Variants in UMODL1 observed in about 807,000 individuals in gnomAD.
The protein encoded by UMODL1 is uromodulin like 1.
A neutral mutation model predicts 136.3 loss-of-function variants in UMODL1; 128 were observed. The ratio of observed to expected loss-of-function variants is 0.94; its 90% CI spans 0.81 to 1.09. The LOEUF (loss-of-function observed/expected upper bound fraction) is 1.09, where lower values mean the gene tolerates loss of function less well. Among genes scored for constraint, UMODL1 ranks in the 50% least tolerant of loss-of-function variants. The probability of loss-of-function intolerance (pLI) is 0.00; values close to 1 mark genes in which losing one functional copy is unlikely to be tolerated. For missense variants in UMODL1, 1,766 were observed against 1,725.6 expected, an observed-to-expected ratio of 1.02 and a Z score of -0.41; for synonymous variants, 721 against 720.0, an observed-to-expected ratio of 1.00 and a Z score of -0.02.
intron 21 of UMODL1, among the ~76,000 whole-genome samples, chr21:42,136,907 G>T (rs531765050): frequency 6.6e-6 from 1 of 152,070 alleles, no homozygotes; most frequent in South Asian, 2.1e-4. Context: ...ACAGACATGC[G>T]CCACCATGCC....
At chr21:42,100,375 G>A (rs2066611800) in intron 7 of UMODL1, among the ~76,000 whole-genome samples, 1 of 152,040 alleles carries the variant, frequency 6.6e-6, no homozygotes, top group African/African-American at 2.4e-5. Flanking sequence ...CGGAATGAGC[G>A]ACCTTCTGTG....
chr21:42,075,360 G>A (rs2066278649), intron 1 of UMODL1, among the ~76,000 whole-genome samples: 1 of 152,170 alleles, frequency 6.6e-6, no homozygotes, highest in Non-Finnish European at 1.5e-5. Flanking sequence ...CGCCCGGCCT[G>A]AGCTGGTCTT....
At chr21:42,072,043 CCAAACAAA>C (rs56367687) in intron 1 of UMODL1, among the ~76,000 whole-genome samples, 1 of 148,902 alleles carries the variant, frequency 6.7e-6, no homozygotes, top group African/African-American at 2.5e-5. Flanking sequence ...GCAAAAGCCC[CCAAACAAA>C]CAAACAAACA....
At chr21:42,106,288 C>T (rs944378832) in intron 9 of UMODL1, among the ~76,000 whole-genome samples, 5 of 152,158 alleles carry the variant, frequency 3.3e-5, no homozygotes, top group Admixed American at 6.5e-5. Flanking sequence ...CCCACCTTCA[C>T]GGCGAGGATC....
chr21:42,078,127 A>T (rs2066316917), intron 2 of UMODL1, among the ~76,000 whole-genome samples: 1 of 152,164 alleles, frequency 6.6e-6, no homozygotes, highest in Non-Finnish European at 1.5e-5. Context: ...CAACACCTCC[A>T]TCACCAACAG....
chr21:42,085,901 C>T lies in UMODL1; in HGVS notation c.603+489C>T, dbSNP rs141718819. Among the ~76,000 whole-genome samples the T allele has an allele frequency of 6.6e-6, 1 of 152,312 alleles. No homozygotes were observed. The highest frequency in any genetic ancestry group is 1.9e-4 in the East Asian group (1 of 5,166). On this transcript the variant is annotated intron_variant, in intron 4 of 22. Transcript: ENST00000408910. This position sits in a 1 kb window ranked among gnomAD's most constrained non-coding sequence, Gnocchi z 4.5. The stretch of plus-strand genomic sequence containing the variant: ...TAGCAGCGCCCCTGGCCTCTCCACA[C>T]AAGTCAGAAGCACACCCCAGGGTGG...
chr21:42,114,325 C>T (rs1349452646), intron 13 of UMODL1, among the ~76,000 whole-genome samples: 2 of 152,258 alleles, frequency 1.3e-5, no homozygotes, highest in Non-Finnish European at 2.9e-5. Flanking sequence ...GACTCCACTG[C>T]GTTCCAGCTG....
chr21:42,110,526 CTG>C (rs1279023911), intron 10 of UMODL1, among the ~76,000 whole-genome samples: 2 of 152,222 alleles, frequency 1.3e-5, no homozygotes, highest in African/African-American at 4.8e-5. Context: ...GAGCACAAAT[CTG>C]GGGGAAATTG....
At chr21:42,142,045 TTTACC>T (rs528477735) in intron 22 of UMODL1, 46 bp from the exon 23 acceptor site, 1 of 152,362 alleles carries the variant, frequency 6.6e-6, no homozygotes, top group African/African-American at 2.4e-5. Flanking sequence ...CTGTATTAAC[TTTACC>T]TTTCCTGCGT....
intron 1 of UMODL1, among the ~76,000 whole-genome samples, chr21:42,063,665 ACT>A (rs2066159468): frequency 6.6e-6 from 1 of 151,934 alleles, no homozygotes; most frequent in Admixed American, 6.6e-5. Flanking sequence ...TCCCTCTAAG[ACT>A]CTGGGACTGG....
intron 21 of UMODL1, among the ~76,000 whole-genome samples, chr21:42,134,248 A>T (rs1387357577): frequency 1.3e-5 from 2 of 152,210 alleles, no homozygotes; most frequent in African/African-American, 4.8e-5. Flanking sequence ...AACCCTGTAT[A>T]TTGACAATTT....
rs572033870 is a variant in UMODL1 at position 42,099,611 on chromosome 21, G to A, written c.1186+431G>A. On this transcript the variant is annotated intron_variant, in intron 7 of 22. Transcript: ENST00000408910. The surrounding 1 kb of genome is among the most constrained non-coding windows in gnomAD (Gnocchi z 4.1). ...TCCCCGAGAGGGGAGCATCGCTGAC[G>A]TTTTCACGCCTTGCTTCACTCATGA... is the stretch of plus-strand genomic sequence containing the variant. 1.3e-5 allele frequency among the ~76,000 whole-genome samples: 2 copies of A among 152,316 alleles called. No individual in the cohort carries two copies. The highest frequency in any genetic ancestry group is 2.4e-5 in the African/African-American group (1 of 41,568).
At position 42,127,820 on chromosome 21, in the gene UMODL1, A is replaced by G; in HGVS notation, c.3679A>G (p.Thr1227Ala). 1 of 1,611,854 alleles carries G rather than the reference A, an allele frequency of 6.2e-7. No homozygotes were observed. The highest frequency in any genetic ancestry group is 8.5e-7 in the Non-Finnish European group (1 of 1,179,408). Residue 1227 changes from threonine (T) to alanine (A), a missense_variant, in exon 20 of 23, where the codon ACG (threonine) becomes GCG (alanine). Coordinates refer to ENST00000408910, the MANE Select transcript of UMODL1 (RefSeq NM_001004416.3). ...CGTCTGCATGGAATCCCCCGGAGCCACGTGCAAAATCGTAAGTGTTTTTTG... is the reference window on the plus strand; with the variant it reads ...CGTCTGCATGGAATCCCCCGGAGCCGCGTGCAAAATCGTAAGTGTTTTTTG... The part of the protein sequence containing the change: ...LRVCMESPGA[T>A]CKINCNNFRL...
chr21:42,065,963 G>T (rs1012780699), intron 1 of UMODL1, among the ~76,000 whole-genome samples: 5 of 152,198 alleles, frequency 3.3e-5, no homozygotes, highest in African/African-American at 1.2e-4. Context: ...GTGGATTTTT[G>T]TTTCTGACTT....
chr21:42,090,200 C>A, intron 5 of UMODL1, 98 bp from the exon 6 acceptor site: 1 of 1,531,588 alleles, frequency 6.5e-7, no homozygotes, highest in East Asian at 2.3e-5. Context: ...GGCACAAATC[C>A]GTGGCACGAG....
At chr21:42,090,762 C>T (rs140326733) in intron 6 of UMODL1, among the ~76,000 whole-genome samples, 27 of 152,256 alleles carry the variant, frequency 1.8e-4, no homozygotes, top group African/African-American at 4.6e-4. Context: ...AGTTGTTGGC[C>T]GACGATTCAT....
chr21:42,135,186 G>A (rs2067189148), intron 21 of UMODL1, among the ~76,000 whole-genome samples: 1 of 152,250 alleles, frequency 6.6e-6, no homozygotes, highest in South Asian at 2.1e-4. Context: ...CACAGCTCAT[G>A]CCACACGCAT....
In UMODL1 at chr21:42,095,087, C is replaced by CTGTTTTT. The variant is rs2066538542; in HGVS notation, c.932-3837_932-3831dup. On this transcript the variant is annotated intron_variant, in intron 6 of 22. Transcript: ENST00000408910. ...TGCATCACTCCTTTGTTTTCTTCTG[C>CTGTTTTT]TGTTTTTTTTTTTTTTTTTTTTTTT... 1.2e-4 allele frequency among the ~76,000 whole-genome samples: 4 copies of CTGTTTTT among 34,048 alleles called. 1 individual carries two copies. The highest frequency in any genetic ancestry group is 2.2e-4 in the Non-Finnish European group (3 of 13,848). The allele number at this position is 34,048 out of a possible 152,430, so 22.3% of individuals were successfully genotyped here.
chr21:42,097,363 A>G (rs1029095926), intron 6 of UMODL1, among the ~76,000 whole-genome samples: 10 of 152,174 alleles, frequency 6.6e-5, no homozygotes, highest in Admixed American at 5.2e-4. Flanking sequence ...TCACCTACAC[A>G]GGGACCAAGA....
Sources: gnomAD v4.1 joint callset for allele counts (sites outside exome capture counted in the v4.1 genomes callset) on GRCh38, gnomAD v4.1.1 for gene constraint, Gnocchi (gnomAD v3.1) non-coding constraint, MANE v1.5 for transcripts, NCBI Gene and HGNC (gene_info 2026-07-23, HGNC 2026-07-21) for gene names.